The following EXPH5 variants were observed in gnomAD, a reference collection of about 807,000 sequenced individuals.
EXPH5 encodes exophilin-5.
EXPH5 carries 42 observed loss-of-function variants against 41.1 expected under a neutral mutation model. That is an observed-to-expected ratio of 1.02 (90% CI 0.80 to 1.32). EXPH5 has a LOEUF of 1.32. EXPH5 is among the 40% of genes most tolerant of loss of function. The pLI is 0.00. For missense variants in EXPH5, 2,298 were observed against 2,314.5 expected (o/e 0.99, Z 0.15); for synonymous variants, 798 against 833.5 (o/e 0.96, Z 0.73).
chr11:108,576,544 ATTAAT>A (rs2094080296), intron 1 of EXPH5, among the ~76,000 whole-genome samples: 1 of 152,174 alleles, frequency 6.6e-6, no homozygotes, highest in African/African-American at 2.4e-5. Flanking sequence ...TTTATGTTAT[ATTAAT>A]TTAACTTCAA....
intron 5 of EXPH5, among the ~76,000 whole-genome samples, chr11:108,515,577 C>G (rs1034465439): frequency 1.3e-5 from 2 of 152,082 alleles, no homozygotes. Flanking sequence ...GTCCTAAACG[C>G]TTAATATATT....
chr11:108,510,807 G>A lies in EXPH5; in HGVS notation c.4700C>T (p.Pro1567Leu). The change falls in exon 6 of 6, where the codon CCT becomes CTT. Residue 1567 changes from proline to leucine, a missense_variant. Pro to Leu is a moderately conservative substitution (Grantham distance 98). Transcript: ENST00000265843. ...ATTTTTGTTTCCTTCAGGAAGTGAA[G>A]GTTGATCCCAAGCTGACTTCTGCAT... ...DEMQKSAWDQ[P>L]SLPEGNKNKT... 2 of 1,614,122 alleles carry A rather than the reference G, an allele frequency of 1.2e-6. No individual in the cohort carries two copies. The highest frequency in any genetic ancestry group is 1.7e-6 in the Non-Finnish European group (2 of 1,180,018).
Position 108,509,322 on chromosome 11 carries a change from A to G in EXPH5, c.*215T>C. The G allele has an allele frequency of 2.5e-6, 1 of 397,706 alleles. No individual in the cohort carries two copies. The allele number at this position is 397,706 out of a possible 1,614,324, so 24.6% of individuals were successfully genotyped here. On this transcript the variant is annotated 3_prime_UTR_variant, in exon 6 of 6. Transcript: ENST00000265843. ...AGGCTAAGAACATTTACAGAGATAG[A>G]AAATAGCAGAGACTCTCTCAAAACA...
Position 108,509,333 on chromosome 11 carries a change from G to C in EXPH5, c.*204C>G. On this transcript the variant is annotated 3_prime_UTR_variant, in exon 6 of 6. Transcript: ENST00000265843. ...ATTTACAGAGATAGAAAATAGCAGA[G>C]ACTCTCTCAAAACAAGAATTCATTG... is the stretch of plus-strand genomic sequence containing the variant. 2 of 415,146 alleles carry C rather than the reference G, an allele frequency of 4.8e-6. No homozygotes were observed. Among genetic ancestry groups the C allele is most frequent in the Admixed American group, 4.0e-5 (1 of 25,118 alleles). The allele number at this position is 415,146 out of a possible 1,614,324, so 25.7% of individuals were successfully genotyped here.
intron 3 of EXPH5, among the ~76,000 whole-genome samples, chr11:108,529,521 A>G (rs888806980): frequency 6.6e-6 from 1 of 152,142 alleles, no homozygotes; most frequent in Admixed American, 6.6e-5. Context: ...CTACAGTCTC[A>G]TGCCAAGGGG....
chr11:108,527,318 T>C (rs1159626590), intron 4 of EXPH5, among the ~76,000 whole-genome samples: 2 of 151,044 alleles, frequency 1.3e-5, no homozygotes, highest in Non-Finnish European at 2.9e-5. Flanking sequence ...AGAAACTGTC[T>C]CAAAAAAAAA....
At chr11:108,516,247 G>C (rs1055981014) in intron 5 of EXPH5, among the ~76,000 whole-genome samples, 7 of 152,238 alleles carry the variant, frequency 4.6e-5, no homozygotes, top group East Asian at 1.9e-4. Context: ...TGGTGTCAAA[G>C]TCAGTGCCCA....
At chr11:108,571,941 G>A (rs568905886) in intron 1 of EXPH5, among the ~76,000 whole-genome samples, 2 of 152,036 alleles carry the variant, frequency 1.3e-5, no homozygotes, top group East Asian at 3.9e-4. Flanking sequence ...CCAGCTACTC[G>A]GAGAGGCTGA....
At chr11:108,585,481 G>T (rs544278048) in intron 1 of EXPH5, among the ~76,000 whole-genome samples, 1 of 152,274 alleles carries the variant, frequency 6.6e-6, no homozygotes, top group Non-Finnish European at 1.5e-5. Context: ...CACAGAAAAG[G>T]CACCCTCTAT....
At chr11:108,575,963 A>G (rs897880028) in intron 1 of EXPH5, among the ~76,000 whole-genome samples, 1 of 152,222 alleles carries the variant, frequency 6.6e-6, no homozygotes, top group South Asian at 2.1e-4. Flanking sequence ...CTCCGTATCA[A>G]AATAAATTAA....
chr11:108,570,158 C>A (rs531107989), intron 1 of EXPH5, among the ~76,000 whole-genome samples: 2 of 152,248 alleles, frequency 1.3e-5, no homozygotes, highest in East Asian at 3.9e-4. Context: ...TAGGAGACTG[C>A]CACCTGTGAG....
At chr11:108,573,147 A>AGAAAGAAAGAAG (rs2094067048) in intron 1 of EXPH5, among the ~76,000 whole-genome samples, 1 of 116,706 alleles carries the variant, frequency 8.6e-6, no homozygotes, top group Non-Finnish European at 1.7e-5. Flanking sequence ...AAGGAAAGAA[A>AGAAAGAAAGAAG]GAAAGAAAGA....
chr11:108,566,854 C>T (rs1177878313), intron 1 of EXPH5, among the ~76,000 whole-genome samples: 2 of 152,150 alleles, frequency 1.3e-5, no homozygotes, highest in Admixed American at 1.3e-4. Flanking sequence ...TAAAGATTTC[C>T]TTTTGTGGTC....
chr11:108,598,138 G>A (rs748099178), upstream of EXPH5, among the ~76,000 whole-genome samples: 2 of 152,188 alleles, frequency 1.3e-5, no homozygotes, highest in East Asian at 1.9e-4. Flanking sequence ...AGACTGACCC[G>A]CATGATGAGA....
chr11:108,522,561 A>G (rs1398603289), intron 4 of EXPH5, among the ~76,000 whole-genome samples: 2 of 152,182 alleles, frequency 1.3e-5, no homozygotes, highest in East Asian at 3.9e-4. Context: ...CATTCTACTC[A>G]TGATCAAGTT....
intron 1 of EXPH5, chr11:108,567,779 C>T (rs1163917814): frequency 3.3e-5 from 5 of 152,270 alleles, no homozygotes; most frequent in Middle Eastern, 3.4e-3. Context: ...TTTCCTTTAC[C>T]CTTGTGCCTG....
At chr11:108,547,421 C>T (rs1438114704) in intron 1 of EXPH5, among the ~76,000 whole-genome samples, 3 of 151,976 alleles carry the variant, frequency 2.0e-5, no homozygotes, top group African/African-American at 7.2e-5. Context: ...CACTCTGTTG[C>T]CCAGGCTGGT....
At chr11:108,534,029 A>C (rs1362367659) in intron 3 of EXPH5, among the ~76,000 whole-genome samples, 1 of 152,088 alleles carries the variant, frequency 6.6e-6, no homozygotes, top group Non-Finnish European at 1.5e-5. Context: ...TCTTGGCCTC[A>C]AGTGAGTCTC....
intron 3 of EXPH5, chr11:108,537,842 G>T: frequency 3.0e-6 from 1 of 338,910 alleles, no homozygotes; most frequent in Non-Finnish European, 4.2e-6. Flanking sequence ...CCACGCAGTG[G>T]AAATATTTTT....
Sources: allele counts gnomAD v4.1 joint callset (sites outside exome capture counted in the v4.1 genomes callset), GRCh38; gene constraint gnomAD v4.1.1; transcripts MANE v1.5; gene names NCBI Gene and HGNC (gene_info 2026-07-23, HGNC 2026-07-21).